CACHD1: variants seen among roughly 807,000 people sequenced by gnomAD.
CACHD1 encodes the protein VWFA and cache domain-containing protein 1.
Under a neutral mutation model 138.7 loss-of-function variants are expected in CACHD1, and 71 were observed. That is an observed-to-expected ratio of 0.51 (90% CI 0.42 to 0.62). The LOEUF (loss-of-function observed/expected upper bound fraction) is 0.62. Ranked by LOEUF, CACHD1 falls within the 20% of genes least tolerant of loss-of-function variation. The pLI, the probability that CACHD1 is intolerant of heterozygous loss-of-function variation, is 0.00. For missense variants in CACHD1, 1,389 were observed against 1,625.3 expected (o/e 0.85, Z 2.50); for synonymous variants, 578 against 591.5 (o/e 0.98, Z 0.33).
At chr1:64,489,635 A>G (rs886776910) in intron 1 of CACHD1, among the ~76,000 whole-genome samples, 1 of 152,198 alleles carries the variant, frequency 6.6e-6, no homozygotes, top group African/African-American at 2.4e-5. Context: ...GGCTGTTTCC[A>G]CCGTCGTTGT....
rs776519481 is a variant in CACHD1 at position 64,641,817 on chromosome 1, T to C, written c.1007-3T>C. On this transcript the variant is annotated splice_polypyrimidine_tract_variant and splice_region_variant and intron_variant, in intron 7 of 26. Transcript: ENST00000651257. ...AGCATTCAATTGATGTGTTTTTGTT[T>C]AGATACAGACATGGTCATCATTTAC... 13 of 1,552,682 alleles carry C rather than the reference T, an allele frequency of 8.4e-6. No homozygotes were observed. The highest frequency in any genetic ancestry group is 1.0e-5 in the Non-Finnish European group (12 of 1,157,674).
intron 9 of CACHD1, among the ~76,000 whole-genome samples, chr1:64,650,497 CAGAT>C (rs760067044): frequency 1.3e-5 from 2 of 152,162 alleles, no homozygotes; most frequent in Non-Finnish European, 2.9e-5. Flanking sequence ...CATTTTAAAA[CAGAT>C]AGCATTCTAA....
chr1:64,567,984 G>A (rs748089411), intron 2 of CACHD1, among the ~76,000 whole-genome samples: 16 of 152,188 alleles, frequency 1.1e-4, no homozygotes, highest in Non-Finnish European at 1.8e-4. Context: ...AGGAGGAAGC[G>A]CGTTATATTA....
chr1:64,553,437 A>C (rs1248779756), intron 2 of CACHD1, among the ~76,000 whole-genome samples: 1 of 152,020 alleles, frequency 6.6e-6, no homozygotes, highest in Non-Finnish European at 1.5e-5. Context: ...CATCACAATC[A>C]CTCACACTTC....
chr1:64,471,019 C>T, intron 1 of CACHD1, 77 bp downstream of exon 1: 1 of 1,404,172 alleles, frequency 7.1e-7, no homozygotes, highest in South Asian at 1.4e-5. Flanking sequence ...CGGTACAAGT[C>T]CCCTGGACTG....
In CACHD1 at chr1:64,548,741, G is replaced by T. The variant is rs866163476; in HGVS notation, c.199-1853G>T. 2.4e-4 allele frequency among the ~76,000 whole-genome samples: 36 copies of T among 152,324 alleles called. 1 individual carries two copies. Among genetic ancestry groups the T allele is most frequent in the Middle Eastern group, 3.4e-3 (1 of 294 alleles). On this transcript the variant is annotated intron_variant, in intron 1 of 26. Transcript: ENST00000651257. The stretch of plus-strand genomic sequence containing the variant: ...TAACAAGGACTATACATACACATCA[G>T]TTCAAGTTAGGATTCACTGCCAAAT...
At chr1:64,525,599 A>T (rs1220197199) in intron 1 of CACHD1, among the ~76,000 whole-genome samples, 1 of 152,204 alleles carries the variant, frequency 6.6e-6, no homozygotes, top group Non-Finnish European at 1.5e-5. Flanking sequence ...TTTTAGATGT[A>T]GGTCAGACAT....
chr1:64,570,814 C>G (rs141770732), intron 2 of CACHD1, among the ~76,000 whole-genome samples: 2,198 of 144,644 alleles, frequency 0.015, 23 homozygotes, highest in Admixed American at 0.021. Context: ...TAATAGCAGG[C>G]AATGTACTTT....
chr1:64,642,520 A>T (rs1202879198), intron 8 of CACHD1, among the ~76,000 whole-genome samples: 2 of 152,190 alleles, frequency 1.3e-5, no homozygotes, highest in Non-Finnish European at 2.9e-5. Context: ...ATTAAAATGG[A>T]TTGTGCTGCT....
chr1:64,503,535 G>GCT (rs1646351525), intron 1 of CACHD1, among the ~76,000 whole-genome samples: 1 of 152,168 alleles, frequency 6.6e-6, no homozygotes, highest in Non-Finnish European at 1.5e-5. Flanking sequence ...GAGAGTACTT[G>GCT]CTAGACTACT....
At chr1:64,553,861 T>C (rs1164561024) in intron 2 of CACHD1, among the ~76,000 whole-genome samples, 1 of 152,252 alleles carries the variant, frequency 6.6e-6, no homozygotes, top group Non-Finnish European at 1.5e-5. Context: ...TTTAAGCATA[T>C]GTTTATATTC....
intron 3 of CACHD1, among the ~76,000 whole-genome samples, chr1:64,588,709 A>C (rs1036460717): frequency 1.3e-5 from 2 of 152,144 alleles, no homozygotes; most frequent in African/African-American, 4.8e-5. Flanking sequence ...CACATCACTT[A>C]ATTGATTTAT....
At chr1:64,681,647 A>G (rs1650195712) in intron 25 of CACHD1, among the ~76,000 whole-genome samples, 1 of 150,456 alleles carries the variant, frequency 6.6e-6, no homozygotes, top group Admixed American at 6.7e-5. Context: ...TATTTTAGAA[A>G]AGGAAGTTTC....
intron 1 of CACHD1, among the ~76,000 whole-genome samples, chr1:64,530,820 G>A (rs370098160): frequency 2.9e-4 from 44 of 150,640 alleles, no homozygotes; most frequent in African/African-American, 1.0e-3. Context: ...GCAGTGAGCC[G>A]AGATGGCACC....
chr1:64,474,924 G>A (rs1049461966), intron 1 of CACHD1, among the ~76,000 whole-genome samples: 5 of 152,204 alleles, frequency 3.3e-5, no homozygotes, highest in Admixed American at 1.3e-4. Context: ...GATGAGGCCT[G>A]GGAGGGAGGG....
chr1:64,636,928 G>A (rs566688536), intron 7 of CACHD1, among the ~76,000 whole-genome samples: 7 of 152,244 alleles, frequency 4.6e-5, no homozygotes, highest in Admixed American at 1.3e-4. Context: ...GCAGTATACA[G>A]GATGTTGCTC....
chr1:64,679,538 T>C, intron 23 of CACHD1, 57 bp from the exon 24 acceptor site: 2 of 1,594,192 alleles, frequency 1.3e-6, no homozygotes, highest in South Asian at 2.2e-5. Context: ...CCATCCTTAC[T>C]TTCTTCCCCA....
chr1:64,628,218 A>C (rs993652322), intron 4 of CACHD1, among the ~76,000 whole-genome samples: 2 of 152,170 alleles, frequency 1.3e-5, no homozygotes, highest in Non-Finnish European at 2.9e-5. Flanking sequence ...TTTAAAGCTT[A>C]ATGTATTTTC....
At position 64,527,004 on chromosome 1, in the gene CACHD1, G is replaced by A. The variant is rs74427826; in HGVS notation, c.199-23590G>A. Among the ~76,000 whole-genome samples the A allele has an allele frequency of 3.1e-3, 465 of 152,302 alleles. 1 individual carries two copies. The highest frequency in any genetic ancestry group is 0.011 in the African/African-American group (441 of 41,560). On this transcript the variant is annotated intron_variant, in intron 1 of 26. Coordinates refer to ENST00000651257, the MANE Select transcript of CACHD1 (RefSeq NM_020925.4). Reference sequence around the variant, plus strand: ...ACGCTTAGTATACGTTTGATCTGTAGCGAGCAGTTCGGAGTCAGTAGATCC... The same window carrying A: ...ACGCTTAGTATACGTTTGATCTGTAACGAGCAGTTCGGAGTCAGTAGATCC...
Sources: gnomAD v4.1 joint callset for allele counts (sites outside exome capture counted in the v4.1 genomes callset) on GRCh38, gnomAD v4.1.1 for gene constraint, MANE v1.5 for transcripts, NCBI Gene and HGNC (gene_info 2026-07-23, HGNC 2026-07-21) for gene names.